Variants in NUP155 observed in about 807,000 individuals in gnomAD.
NUP155 encodes the protein nuclear pore complex protein Nup155.
Under a neutral mutation model 180.4 loss-of-function variants are expected in NUP155, and 71 were observed. The observed-to-expected ratio is 0.39, with a 90% CI of 0.33 to 0.48. NUP155 has a LOEUF of 0.48. Ranked by LOEUF, NUP155 falls within the 20% of genes least tolerant of loss-of-function variation. The pLI, the probability that NUP155 is intolerant of heterozygous loss-of-function variation, is 0.91. For missense variants in NUP155, 1,553 were observed against 1,648.9 expected (o/e 0.94, Z 1.01); for synonymous variants, 582 against 559.5 (o/e 1.04, Z -0.57).
intron 27 of NUP155, among the ~76,000 whole-genome samples, chr5:37,304,089 A>G (rs1204983656): frequency 1.3e-5 from 2 of 151,818 alleles, no homozygotes; most frequent in African/African-American, 4.8e-5. Flanking sequence ...CTCTACTAAA[A>G]AGATATAAAA....
Position 37,338,410 on chromosome 5 carries a change from C to CT in NUP155, c.1247-493dup, listed in dbSNP as rs1260084138. Among the ~76,000 whole-genome samples the CT allele has an allele frequency of 2.4e-3, 335 of 138,604 alleles. 1 individual carries two copies. The highest frequency in any genetic ancestry group is 3.5e-3 in the African/African-American group (134 of 38,162). 90.9% of individuals were successfully genotyped at this position (138,604 alleles called of 152,430 possible). A position where few individuals can be genotyped will look rare whatever the true frequency, so the allele number is the denominator to read the frequency against. On this transcript the variant is annotated intron_variant, in intron 11 of 34. Transcript: ENST00000231498. ...ATAAATATACACACACAACATCAAT[C>CT]TTTTTTTTTTTTTTTTGAGACGGAG... is the stretch of plus-strand genomic sequence containing the variant.
intron 1 of NUP155, among the ~76,000 whole-genome samples, chr5:37,366,877 C>G (rs557647523): frequency 5.3e-4 from 80 of 152,042 alleles, no homozygotes; most frequent in African/African-American, 1.8e-3. Flanking sequence ...GTCTCGATCT[C>G]CCGACCTCGT....
At chr5:37,294,270 A>G (rs910692375) in intron 33 of NUP155, 59 bp downstream of exon 33, 36 of 1,208,080 alleles carry the variant, frequency 3.0e-5, no homozygotes, top group Non-Finnish European at 3.7e-5. Context: ...CCCACTCTAT[A>G]TCTACAAAGT....
chr5:37,313,872 T>C (rs1203635615), intron 22 of NUP155, among the ~76,000 whole-genome samples: 1 of 152,178 alleles, frequency 6.6e-6, no homozygotes, highest in Admixed American at 6.6e-5. Flanking sequence ...CATGTCGATA[T>C]GCATTTCTTT....
intron 3 of NUP155, among the ~76,000 whole-genome samples, chr5:37,359,787 C>T (rs950345431): frequency 1.3e-5 from 2 of 152,016 alleles, no homozygotes; most frequent in African/African-American, 4.8e-5. Flanking sequence ...AACTATCAGA[C>T]AAGAAATGTA....
chr5:37,296,698 A>AATAC (rs1331113904), intron 32 of NUP155, among the ~76,000 whole-genome samples: 1 of 148,962 alleles, frequency 6.7e-6, no homozygotes, highest in African/African-American at 2.4e-5. Flanking sequence ...AAAATAAATA[A>AATAC]ATAAATAAAT....
At chr5:37,366,222 G>A (rs1747576365) in intron 1 of NUP155, among the ~76,000 whole-genome samples, 2 of 152,132 alleles carry the variant, frequency 1.3e-5, no homozygotes, top group African/African-American at 4.8e-5. Context: ...CCTGACTGAT[G>A]ACCTACTTAT....
At chr5:37,295,970 T>C (rs1418204898) in intron 32 of NUP155, among the ~76,000 whole-genome samples, 3 of 145,060 alleles carry the variant, frequency 2.1e-5, no homozygotes, top group Non-Finnish European at 3.0e-5. Flanking sequence ...GGAGCCCCTC[T>C]GCCCGGCCAG....
intron 25 of NUP155, among the ~76,000 whole-genome samples, chr5:37,306,622 C>T (rs1409465349): frequency 1.3e-5 from 2 of 151,812 alleles, no homozygotes; most frequent in African/African-American, 4.8e-5. Context: ...TGTGCACCAC[C>T]ACGCCTGGCT....
At chr5:37,342,779 C>CA in intron 9 of NUP155, 133 bp from the exon 10 acceptor site, 1 of 658,370 alleles carries the variant, frequency 1.5e-6, no homozygotes, top group Non-Finnish European at 2.8e-6. Context: ...CTCTGTCACC[C>CA]AGGCTGGAGG....
intron 33 of NUP155, 127 bp downstream of exon 33, chr5:37,294,202 A>C: frequency 1.5e-6 from 1 of 647,722 alleles, no homozygotes; most frequent in Admixed American, 2.8e-5. Flanking sequence ...ATAATTTCCA[A>C]GACTCAACCA....
chr5:37,294,551 A>T, intron 32 of NUP155, 86 bp from the exon 33 acceptor site: 1 of 1,316,548 alleles, frequency 7.6e-7, no homozygotes, highest in Non-Finnish European at 1.1e-6. Context: ...AATAGTTTCT[A>T]GGGGGATATC....
At chr5:37,325,049 G>T (rs1744499231) in intron 19 of NUP155, among the ~76,000 whole-genome samples, 1 of 152,168 alleles carries the variant, frequency 6.6e-6, no homozygotes, top group Non-Finnish European at 1.5e-5. Context: ...TACTCGTGAG[G>T]CTGTGGCAGA....
At chr5:37,366,564 G>C (rs909639223) in intron 1 of NUP155, among the ~76,000 whole-genome samples, 14 of 152,008 alleles carry the variant, frequency 9.2e-5, no homozygotes, top group Non-Finnish European at 5.9e-5. Context: ...TCAGACTCCC[G>C]GGTAGCTGGG....
At chr5:37,304,116 G>A (rs965793022) in intron 27 of NUP155, among the ~76,000 whole-genome samples, 2 of 151,716 alleles carry the variant, frequency 1.3e-5, no homozygotes, top group African/African-American at 4.8e-5. Flanking sequence ...TGTGCGTGGT[G>A]GCGGGTGCCT....
rs1157462186 is a variant in NUP155 at position 37,364,331 on chromosome 5, C to T, written c.211G>A (p.Gly71Ser). ...SDMDYPLQGPGLLSVPNLPEI... is the reference protein window; with the variant it reads ...SDMDYPLQGPSLLSVPNLPEI... Reference sequence around the variant, plus strand: ...GGAAGGTTGGGTACGGACAGCAAACCAGGTCCTTGCAAAGGATAATCCATA... The same window carrying T: ...GGAAGGTTGGGTACGGACAGCAAACTAGGTCCTTGCAAAGGATAATCCATA... The change falls in exon 2 of 35, where the codon GGT (glycine) becomes AGT (serine). Residue 71 changes from glycine (G) to serine (S), a missense_variant. By Grantham distance (56) the Gly-to-Ser change is moderately conservative (BLOSUM62 0). Transcript: ENST00000231498. 1.2e-6 allele frequency: 2 copies of T among 1,611,342 alleles called. No homozygotes were observed. The highest frequency in any genetic ancestry group is 1.7e-5 in the Admixed American group (1 of 59,994).
intron 11 of NUP155, among the ~76,000 whole-genome samples, chr5:37,338,669 T>G (rs1016846224): frequency 6.6e-6 from 1 of 152,150 alleles, no homozygotes; most frequent in African/African-American, 2.4e-5. Flanking sequence ...CCTCCCAAAG[T>G]ACTGGAATTA....
intron 27 of NUP155, among the ~76,000 whole-genome samples, chr5:37,304,084 C>A (rs2150943521): frequency 6.6e-6 from 1 of 151,722 alleles, no homozygotes; most frequent in Middle Eastern, 3.4e-3. Flanking sequence ...CCCGTCTCTA[C>A]TAAAAAGATA....
intron 4 of NUP155, among the ~76,000 whole-genome samples, chr5:37,354,862 C>T (rs372238108): frequency 5.9e-5 from 9 of 152,018 alleles, no homozygotes; most frequent in Non-Finnish European, 8.8e-5. Context: ...GAGGCAGAGA[C>T]GGGCGGATCA....
Sources: allele counts gnomAD v4.1 joint callset (sites outside exome capture counted in the v4.1 genomes callset), GRCh38; gene constraint gnomAD v4.1.1; transcripts MANE v1.5; gene names NCBI Gene and HGNC (gene_info 2026-07-23, HGNC 2026-07-21).